CSMD1: variants seen among roughly 807,000 people sequenced by gnomAD.
CSMD1 encodes CUB and sushi domain-containing protein 1.
Under a neutral mutation model 417.5 loss-of-function variants are expected in CSMD1, and 213 were observed. That is an observed-to-expected ratio of 0.51 (90% CI 0.46 to 0.57). The LOEUF is 0.57. Ranked by LOEUF, CSMD1 falls within the 20% of genes least tolerant of loss-of-function variation. The pLI is 0.00. For synonymous variants in CSMD1, 2,862 were observed against 1,736.8 expected (o/e 1.65, Z -16.11); for missense variants, 6,923 against 4,529.7 (o/e 1.53, Z -15.17).
intron 3 of CSMD1, among the ~76,000 whole-genome samples, chr8:4,166,854 C>T (rs1180228060): frequency 6.6e-6 from 1 of 152,146 alleles, no homozygotes; most frequent in African/African-American, 2.4e-5. Flanking sequence ...AAATTTGTTT[C>T]AATGAACAAC....
Position 3,712,341 on chromosome 8 carries a change from G to C in CSMD1, c.932-3850C>G, listed in dbSNP as rs542139104. Among the ~76,000 whole-genome samples, 10 of 151,734 alleles carry C rather than the reference G, an allele frequency of 6.6e-5. No homozygotes were observed. The East Asian group carries it at 2.0e-3, about 30-fold the overall frequency. On this transcript the variant is annotated intron_variant, in intron 6 of 69. Coordinates refer to ENST00000635120, the MANE Select transcript of CSMD1 (RefSeq NM_033225.6). ...CTCTTCCTCCCTCCAACTGCCCTCA[G>C]AGCTGAGCAGAGATTTTCATTTGCA...
intron 9 of CSMD1, among the ~76,000 whole-genome samples, chr8:3,583,206 A>G (rs765489116): frequency 4.6e-5 from 7 of 151,726 alleles, no homozygotes; most frequent in Non-Finnish European, 7.4e-5. Flanking sequence ...AAGCCCACAC[A>G]TTTCTCTCCA....
At chr8:4,852,972 C>T (rs937211318) in intron 1 of CSMD1, among the ~76,000 whole-genome samples, 1 of 152,102 alleles carries the variant, frequency 6.6e-6, no homozygotes, top group Non-Finnish European at 1.5e-5. Flanking sequence ...CATGATGTGG[C>T]CTGGCTGCTT....
chr8:4,343,335 T>A (rs1203325114), intron 3 of CSMD1, among the ~76,000 whole-genome samples: 2 of 152,058 alleles, frequency 1.3e-5, no homozygotes, highest in Admixed American at 6.6e-5. Context: ...AATGAATACA[T>A]TCCGGAGATC....
In CSMD1 at chr8:3,938,338, T is replaced by C. The variant is rs565964734; in HGVS notation, c.818+59565A>G. Among the ~76,000 whole-genome samples, 40 of 152,260 alleles carry C rather than the reference T, an allele frequency of 2.6e-4. No individual in the cohort carries two copies. In the South Asian group the frequency reaches 8.3e-3, roughly 32 times the overall value. ...TTGTGTTTTGGAAGAAAAAAGCATA[T>C]AATACAACATAAAGTAATAGAGTCA... On this transcript the variant is annotated intron_variant, in intron 5 of 69. Transcript: ENST00000635120.
chr8:2,981,942 C>T (rs1039234561), intron 54 of CSMD1, among the ~76,000 whole-genome samples: 1 of 152,138 alleles, frequency 6.6e-6, no homozygotes, highest in Non-Finnish European at 1.5e-5. Context: ...TGGAGAGGAC[C>T]AGCTGGAAAT....
rs563381477 is a variant in CSMD1 at position 4,520,463 on chromosome 8, A to C, written c.303-100398T>G. Reference sequence around the variant, plus strand: ...GTAGTGGATAGGAAATTTGGATCTTAATAAGACATGGGAAGATGAAATGGG... The same window carrying C: ...GTAGTGGATAGGAAATTTGGATCTTCATAAGACATGGGAAGATGAAATGGG... On this transcript the variant is annotated intron_variant, in intron 2 of 69. Transcript: ENST00000635120. 1.4e-4 allele frequency among the ~76,000 whole-genome samples: 21 copies of C among 152,254 alleles called. No individual in the cohort carries two copies. The South Asian group carries it at 3.7e-3, about 27-fold the overall frequency.
intron 25 of CSMD1, among the ~76,000 whole-genome samples, chr8:3,306,963 T>G (rs11988807): frequency 0.33 from 50,769 of 151,998 alleles, 8,723 homozygotes; most frequent in South Asian, 0.41. Context: ...TTCTGAAATT[T>G]GCAATGATTT....
intron 3 of CSMD1, among the ~76,000 whole-genome samples, chr8:4,091,740 A>G (rs888522573): frequency 6.6e-6 from 1 of 152,234 alleles, no homozygotes; most frequent in Non-Finnish European, 1.5e-5. Flanking sequence ...GCTGGTGTGT[A>G]TAAATGTATC....
chr8:4,171,172 G>A (rs1238579788), intron 3 of CSMD1, among the ~76,000 whole-genome samples: 1 of 151,782 alleles, frequency 6.6e-6, no homozygotes, highest in Non-Finnish European at 1.5e-5. Context: ...AGTTTCCTCT[G>A]GATCAAATAT....
At chr8:3,318,815 C>A (rs139814179) in intron 23 of CSMD1, among the ~76,000 whole-genome samples, 1 of 152,148 alleles carries the variant, frequency 6.6e-6, no homozygotes, top group Non-Finnish European at 1.5e-5. Flanking sequence ...CAGCCACACA[C>A]CAAGAAATAA....
At chr8:3,641,882 C>A (rs145124084) in intron 7 of CSMD1, among the ~76,000 whole-genome samples, 1 of 152,164 alleles carries the variant, frequency 6.6e-6, no homozygotes, top group Non-Finnish European at 1.5e-5. Flanking sequence ...TATAAGGTTT[C>A]GCTACATAGG....
At chr8:3,346,006 T>C (rs1300594629) in intron 22 of CSMD1, among the ~76,000 whole-genome samples, 3 of 152,176 alleles carry the variant, frequency 2.0e-5, no homozygotes, top group Non-Finnish European at 4.4e-5. Context: ...GTATATAAAA[T>C]TTTAGTCTTT....
intron 1 of CSMD1, among the ~76,000 whole-genome samples, chr8:4,688,252 T>C (rs1806515163): frequency 6.6e-6 from 1 of 152,168 alleles, no homozygotes; most frequent in Non-Finnish European, 1.5e-5. Context: ...CAGATACAAA[T>C]TTCAATATGT....
At chr8:4,080,748 T>C (rs749876038) in intron 3 of CSMD1, among the ~76,000 whole-genome samples, 1 of 152,208 alleles carries the variant, frequency 6.6e-6, no homozygotes, top group Non-Finnish European at 1.5e-5. Flanking sequence ...TGTTTCATTT[T>C]AATATAAGGT....
intron 3 of CSMD1, among the ~76,000 whole-genome samples, chr8:4,273,256 A>G (rs562752883): frequency 6.6e-6 from 1 of 152,296 alleles, no homozygotes; most frequent in African/African-American, 2.4e-5. Context: ...GGCAATGAGC[A>G]TATTTGTATT....
chr8:4,235,387 T>C lies in CSMD1; in HGVS notation c.415+184566A>G, dbSNP rs189842078. On this transcript the variant is annotated intron_variant, in intron 3 of 69. Transcript: ENST00000635120. ...TTTTTTTTTGTTTGTTTGTTTTTTG[T>C]TTTTACTCAGGGTACTTAGCACACC... 1.4e-3 allele frequency among the ~76,000 whole-genome samples: 211 copies of C among 152,204 alleles called. 2 individuals carry two copies. Among genetic ancestry groups the C allele is most frequent in the African/African-American group, 4.8e-3 (201 of 41,522 alleles).
chr8:4,648,860 C>T (rs1803703981), intron 1 of CSMD1, among the ~76,000 whole-genome samples: 1 of 152,122 alleles, frequency 6.6e-6, no homozygotes, highest in Non-Finnish European at 1.5e-5. Context: ...TATGCACACC[C>T]ACCACAGTAA....
At chr8:4,931,496 A>G (rs898634013) in intron 1 of CSMD1, among the ~76,000 whole-genome samples, 3 of 152,200 alleles carry the variant, frequency 2.0e-5, no homozygotes, top group African/African-American at 4.8e-5. Flanking sequence ...AACACATGTT[A>G]TTATGTTATG....
Sources: gnomAD v4.1 joint callset for allele counts (sites outside exome capture counted in the v4.1 genomes callset) on GRCh38, gnomAD v4.1.1 for gene constraint, MANE v1.5 for transcripts, NCBI Gene and HGNC (gene_info 2026-07-23, HGNC 2026-07-21) for gene names.